Variants in BCAS3 observed in about 807,000 individuals in gnomAD.
The protein encoded by BCAS3 is BCAS3 microtubule associated cell migration factor, also known as BCAS4/BCAS3 fusion.
A neutral mutation model predicts 116.1 loss-of-function variants in BCAS3; 53 were observed. That is an observed-to-expected ratio of 0.46 (90% confidence interval 0.37 to 0.57). The LOEUF is 0.57. Ranked by LOEUF, BCAS3 falls within the 20% of genes least tolerant of loss-of-function variation. The pLI, the probability that BCAS3 is intolerant of heterozygous loss-of-function variation, is 0.00. For missense variants in BCAS3, 917 were observed against 1,165.4 expected (o/e 0.79, Z 3.10); for synonymous variants, 391 against 408.2 (o/e 0.96, Z 0.51).
rs2068466426 is a variant in BCAS3 at position 61,047,592 on chromosome 17, T to TA, written c.2029+6705dup. On this transcript the variant is annotated intron_variant, in intron 19 of 23. Coordinates refer to ENST00000407086, the MANE Select transcript of BCAS3 (RefSeq NM_017679.5). Reference sequence around the variant, plus strand: ...AGCACTGTATTTACTCCCTTTAAAATAAAAATTACATACTATATTGCCTTC... The same window carrying TA: ...AGCACTGTATTTACTCCCTTTAAAATAAAAAATTACATACTATATTGCCTTC... Among the ~76,000 whole-genome samples the TA allele has an allele frequency of 1.3e-5, 2 of 151,996 alleles. 1 individual carries two copies. Among genetic ancestry groups the TA allele is most frequent in the South Asian group, 4.1e-4 (2 of 4,828 alleles).
chr17:60,797,452 C>T (rs531809293), intron 6 of BCAS3, among the ~76,000 whole-genome samples: 66 of 151,530 alleles, frequency 4.4e-4, no homozygotes, highest in African/African-American at 1.5e-3. Flanking sequence ...TGGGCCCAAG[C>T]AGTTCTCCTG....
At chr17:60,963,670 C>T (rs2061520000) in intron 14 of BCAS3, among the ~76,000 whole-genome samples, 2 of 151,858 alleles carry the variant, frequency 1.3e-5, no homozygotes, top group Non-Finnish European at 2.9e-5. Flanking sequence ...ATTCTCCTGC[C>T]TCAGCCTCCC....
intron 15 of BCAS3, among the ~76,000 whole-genome samples, chr17:61,009,012 G>A (rs1252370856): frequency 6.6e-6 from 1 of 152,024 alleles, no homozygotes; most frequent in Non-Finnish European, 1.5e-5. Flanking sequence ...AGTGGGTGTT[G>A]TAGATAAGTG....
At chr17:61,295,137 G>A (rs936685725) in intron 22 of BCAS3, among the ~76,000 whole-genome samples, 15 of 152,150 alleles carry the variant, frequency 9.9e-5, no homozygotes, top group Admixed American at 9.8e-4. Context: ...TTCTCTCTAA[G>A]CCCTTGGAGG....
chr17:60,946,954 A>T (rs2060534038), intron 13 of BCAS3, among the ~76,000 whole-genome samples: 2 of 152,194 alleles, frequency 1.3e-5, no homozygotes, highest in Non-Finnish European at 2.9e-5. Flanking sequence ...AAATTCAGGA[A>T]TATCAAACTT....
intron 13 of BCAS3, among the ~76,000 whole-genome samples, chr17:60,940,433 A>G (rs1406054593): frequency 1.3e-5 from 2 of 152,326 alleles, no homozygotes; most frequent in South Asian, 2.1e-4. Flanking sequence ...TATGCTGCCC[A>G]TATGGAGACT....
intron 22 of BCAS3, among the ~76,000 whole-genome samples, chr17:61,096,703 C>T (rs1392637485): frequency 6.6e-6 from 1 of 152,124 alleles, no homozygotes; most frequent in African/African-American, 2.4e-5. Context: ...ATCTTTCTCC[C>T]ATATTACACT....
At chr17:60,720,938 A>G (rs1332762179) in intron 5 of BCAS3, among the ~76,000 whole-genome samples, 1 of 152,128 alleles carries the variant, frequency 6.6e-6, no homozygotes, top group African/African-American at 2.4e-5. Context: ...ATGACCTAAC[A>G]CTAGGTGTCG....
intron 10 of BCAS3, chr17:60,899,813 T>C (rs1226982799): frequency 6.6e-6 from 1 of 151,802 alleles, no homozygotes; most frequent in African/African-American, 2.4e-5. Flanking sequence ...TTTTTTTTTT[T>C]AACACCTCAG....
At chr17:60,999,188 A>C (rs1219359335) in intron 15 of BCAS3, among the ~76,000 whole-genome samples, 2 of 152,036 alleles carry the variant, frequency 1.3e-5, no homozygotes, top group African/African-American at 4.8e-5. Flanking sequence ...TATGTGTCTT[A>C]TTTTTGCACC....
At chr17:60,899,819 C>T (rs988134595) in intron 10 of BCAS3, 11 of 151,518 alleles carry the variant, frequency 7.3e-5, no homozygotes, top group African/African-American at 1.2e-4. Flanking sequence ...TTTTTAACAC[C>T]TCAGTCCCAG....
rs560850524 is a variant in BCAS3, at chr17:60,907,650, G to C, written c.823-2882G>C. ...CTACAGTTTAGTTCTGTGAGTACTT[G>C]TGTGAAGATTCATCAGTGATTTAAT... On this transcript the variant is annotated intron_variant, in intron 11 of 23. Transcript: ENST00000407086. Among the ~76,000 whole-genome samples the C allele has an allele frequency of 5.4e-4, 83 of 152,326 alleles. 3 individuals carry two copies. In the South Asian group the frequency reaches 0.016, roughly 30 times the overall value.
intron 23 of BCAS3, among the ~76,000 whole-genome samples, chr17:61,386,406 C>G (rs1304690212): frequency 1.3e-5 from 2 of 152,208 alleles, no homozygotes; most frequent in African/African-American, 4.8e-5. Context: ...AGACTGGACC[C>G]TAAGGTCTCA....
Position 61,015,141 on chromosome 17 carries a change from A to C in BCAS3, c.1487-610A>C, listed in dbSNP as rs575930211. Among the ~76,000 whole-genome samples, 12 of 152,284 alleles carry C rather than the reference A, an allele frequency of 7.9e-5. No homozygotes were observed. The East Asian group carries it at 1.7e-3, about 22-fold the overall frequency. Reference sequence around the variant, plus strand: ...TTTAGAAATTGACAAGGTATGGGGGAACTAGCAGATTGTGTTGGATGTAAG... The same window carrying C: ...TTTAGAAATTGACAAGGTATGGGGGCACTAGCAGATTGTGTTGGATGTAAG... On this transcript the variant is annotated intron_variant, in intron 15 of 23. Transcript: ENST00000407086.
chr17:60,986,506 ATT>A (rs1033313851), intron 14 of BCAS3, among the ~76,000 whole-genome samples: 4 of 152,086 alleles, frequency 2.6e-5, no homozygotes, highest in Non-Finnish European at 5.9e-5. Flanking sequence ...ATCGTTTGCT[ATT>A]ACCTGTCTTT....
rs2049180236 is a variant in BCAS3, at chr17:61,261,263, G to A, written c.2426-107064G>A. On this transcript the variant is annotated intron_variant, in intron 22 of 23. Coordinates refer to ENST00000407086, the MANE Select transcript of BCAS3 (RefSeq NM_017679.5). This position sits in a 1 kb window ranked among gnomAD's most constrained non-coding sequence, Gnocchi z 4.4. ...TTATTAAACACTGATTCAAGAATAT[G>A]TTTAGAGGAGCTGCGACCCAGGGAA... Among the ~76,000 whole-genome samples, 1 of 152,168 alleles carries A rather than the reference G, an allele frequency of 6.6e-6. No homozygotes were observed. Among genetic ancestry groups the A allele is most frequent in the South Asian group, 2.1e-4 (1 of 4,826 alleles).
intron 14 of BCAS3, among the ~76,000 whole-genome samples, chr17:60,953,600 G>A (rs896744764): frequency 5.3e-5 from 8 of 152,046 alleles, no homozygotes; most frequent in African/African-American, 1.9e-4. Flanking sequence ...TTTTGCTTTT[G>A]TTGTGATTGC....
chr17:61,044,463 A>AT lies in BCAS3; in HGVS notation c.2029+3571_2029+3572insT, dbSNP rs1254737769. 4.4e-3 allele frequency among the ~76,000 whole-genome samples: 548 copies of AT among 125,342 alleles called. 5 individuals carry two copies. The highest frequency in any genetic ancestry group is 5.8e-3 in the South Asian group (27 of 4,640). 82.2% of individuals were successfully genotyped at this position (125,342 alleles called of 152,430 possible). Reference sequence around the variant, plus strand: ...CTCTGTCTCAAAAAAAAAAAAAAAAAAAATATATATATATATGCCATAAGA... The same window carrying AT: ...CTCTGTCTCAAAAAAAAAAAAAAAAATAAATATATATATATATGCCATAAGA... On this transcript the variant is annotated intron_variant, in intron 19 of 23. Coordinates refer to ENST00000407086, the MANE Select transcript of BCAS3 (RefSeq NM_017679.5).
intron 12 of BCAS3, among the ~76,000 whole-genome samples, chr17:60,916,528 GAAC>G (rs1436931643): frequency 6.6e-6 from 1 of 152,130 alleles, no homozygotes; most frequent in Non-Finnish European, 1.5e-5. Flanking sequence ...AAAAATGAAA[GAAC>G]AACAATGGGG....
Sources: gnomAD v4.1 joint callset for allele counts (sites outside exome capture counted in the v4.1 genomes callset) on GRCh38, gnomAD v4.1.1 for gene constraint, Gnocchi (gnomAD v3.1) non-coding constraint, MANE v1.5 for transcripts, NCBI Gene and HGNC (gene_info 2026-07-23, HGNC 2026-07-21) for gene names.